Variants in THOC5 observed in about 807,000 individuals in gnomAD.
THOC5 encodes Fms-interacting protein.
Under a neutral mutation model 92.9 loss-of-function variants are expected in THOC5, and 43 were observed. The ratio of observed to expected loss-of-function variants is 0.46; its 90% CI spans 0.36 to 0.60. The LOEUF is 0.60. Ranked by LOEUF, THOC5 falls within the 20% of genes least tolerant of loss-of-function variation. The probability of loss-of-function intolerance (pLI) is 0.00; values close to 1 mark genes in which losing one functional copy is unlikely to be tolerated. For missense variants in THOC5, 659 were observed against 849.4 expected (o/e 0.78, Z 2.79); for synonymous variants, 296 against 320.1 (o/e 0.92, Z 0.80).
chr22:29,548,982 A>T (rs2146570100), intron 2 of THOC5, 70 bp downstream of exon 2: 2 of 1,514,704 alleles, frequency 1.3e-6, no homozygotes, highest in East Asian at 4.6e-5. Flanking sequence ...GAGCTGCTGC[A>T]AACACACAGC....
intron 14 of THOC5, among the ~76,000 whole-genome samples, chr22:29,519,634 CTTTTTT>C (rs34656123): frequency 7.1e-6 from 1 of 140,898 alleles, no homozygotes. Flanking sequence ...CATGACAGGC[CTTTTTT>C]TTTTTTTTTG....
chr22:29,553,514 A>AGC (rs2064224802), intron 1 of THOC5, 157 bp downstream of exon 1: 1 of 152,576 alleles, frequency 6.6e-6, no homozygotes, highest in African/African-American at 2.4e-5. Context: ...ATGAGGTAAC[A>AGC]GCGCAGCGCC....
Position 29,507,837 on chromosome 22 carries a change from A to T in THOC5, c.*620T>A, listed in dbSNP as rs1296960216. 1 of 152,800 alleles carries T rather than the reference A, an allele frequency of 6.5e-6. No individual in the cohort carries two copies. The highest frequency in any genetic ancestry group is 2.4e-5 in the African/African-American group (1 of 41,468). The allele number at this position is 152,800 out of a possible 1,614,324, so 9.5% of individuals were successfully genotyped here. ...TATTAGTTAAGTTTTTAGGGAGTCA[A>T]AAGTTATACACGGATTTTTCAACTG... On this transcript the variant is annotated 3_prime_UTR_variant, in exon 20 of 20. Coordinates refer to ENST00000490103, the MANE Select transcript of THOC5 (RefSeq NM_003678.5).
intron 15 of THOC5, 68 bp from the exon 16 acceptor site, chr22:29,517,434 C>T: frequency 7.2e-7 from 1 of 1,389,778 alleles, no homozygotes; most frequent in Non-Finnish European, 1.0e-6. Context: ...AACTAGCATC[C>T]TCCTGGGGCT....
At chr22:29,514,412 G>C (rs1432161848) in intron 17 of THOC5, among the ~76,000 whole-genome samples, 1 of 151,002 alleles carries the variant, frequency 6.6e-6, no homozygotes, top group Non-Finnish European at 1.5e-5. Flanking sequence ...CGCCTCCCGG[G>C]TTCACGCCAT....
rs781231653 is a variant in THOC5 at position 29,519,103 on chromosome 22, G to C, written c.1392C>G (p.Asp464Glu). Residue 464 changes from aspartate (D) to glutamate (E), a missense_variant, in exon 15 of 20, where the codon GAC becomes GAG. Asp to Glu is a conservative substitution (Grantham distance 45). Coordinates refer to ENST00000490103, the MANE Select transcript of THOC5 (RefSeq NM_003678.5). Reference sequence around the variant, plus strand: ...CCATGTGGCTGGCGCTCAGCGAGTGGTCAGCAATCACTGTTTGCTGTGAGT... The same window carrying C: ...CCATGTGGCTGGCGCTCAGCGAGTGCTCAGCAATCACTGTTTGCTGTGAGT... ...KEQPQQTVIA[D>E]HSLSASHMET... 5.6e-6 allele frequency: 9 copies of C among 1,610,820 alleles called. No homozygotes were observed. The East Asian group carries it at 1.6e-4, about 28-fold the overall frequency.
At position 29,551,639 on chromosome 22, in the gene THOC5, T is replaced by TA. The variant is rs566425046; in HGVS notation, c.-12+2031dup. Among the ~76,000 whole-genome samples the TA allele has an allele frequency of 2.6e-4, 39 of 152,130 alleles. 1 individual carries two copies. The South Asian group carries it at 7.7e-3, about 30-fold the overall frequency. Reference sequence around the variant, plus strand: ...GCGGTGCACACCTGTGGTCCCAAGCTACTCTGGAGGCTAGGGTGGGAGGAT... The same window carrying TA: ...GCGGTGCACACCTGTGGTCCCAAGCTAACTCTGGAGGCTAGGGTGGGAGGAT... On this transcript the variant is annotated intron_variant, in intron 1 of 19. Transcript: ENST00000490103.
chr22:29,531,107 T>A, intron 8 of THOC5: 1 of 1,187,346 alleles, frequency 8.4e-7, no homozygotes, highest in Non-Finnish European at 1.1e-6. Context: ...GGATTTCATA[T>A]GAGCTGATGA....
intron 11 of THOC5, among the ~76,000 whole-genome samples, chr22:29,526,156 T>C (rs1401831255): frequency 1.3e-5 from 2 of 152,050 alleles, no homozygotes; most frequent in East Asian, 3.9e-4. Flanking sequence ...ATCCCCAGAA[T>C]CGAAAATAAA....
chr22:29,513,334 G>A (rs1318435734), intron 17 of THOC5, among the ~76,000 whole-genome samples: 2 of 150,084 alleles, frequency 1.3e-5, no homozygotes, highest in African/African-American at 2.5e-5. Context: ...TCCAGCCTGG[G>A]TGACAGAGCA....
At chr22:29,530,049 A>T (rs1033268096) in intron 8 of THOC5, among the ~76,000 whole-genome samples, 10 of 151,774 alleles carry the variant, frequency 6.6e-5, no homozygotes, top group Non-Finnish European at 1.2e-4. Context: ...AGGCTGAGAC[A>T]GGAGAATTGC....
chr22:29,533,898 C>T (rs141973820), intron 7 of THOC5, among the ~76,000 whole-genome samples: 78 of 152,268 alleles, frequency 5.1e-4, no homozygotes, highest in African/African-American at 1.8e-3. Flanking sequence ...TTCTGTAAAT[C>T]GGTACAACCA....
chr22:29,509,805 AAC>A (rs1303875260), intron 19 of THOC5, among the ~76,000 whole-genome samples: 3 of 136,744 alleles, frequency 2.2e-5, no homozygotes, highest in Admixed American at 7.3e-5. Flanking sequence ...ACTGACAGGG[AAC>A]AGAGAACAAG....
rs768699469 is a variant in THOC5, at chr22:29,517,368, TAA to T, written c.1490-4_1490-3del. 6.2e-5 allele frequency: 100 copies of T among 1,613,360 alleles called. 1 individual carries two copies. The highest frequency in any genetic ancestry group is 8.3e-5 in the Non-Finnish European group (98 of 1,179,640). On this transcript the variant is annotated splice_polypyrimidine_tract_variant and splice_region_variant and intron_variant, in intron 15 of 19. Coordinates refer to ENST00000490103, the MANE Select transcript of THOC5 (RefSeq NM_003678.5). ...TGGTAACTGGCACAATGCCATGTTC[TAA>T]AAGAGAACAAGACAGATGACGTCAC...
At chr22:29,536,316 G>C (rs562667702) in intron 7 of THOC5, 23 of 264,936 alleles carry the variant, frequency 8.7e-5, no homozygotes, top group African/African-American at 4.6e-4. Flanking sequence ...TAGATGCCTG[G>C]AGATTGTGAG....
At chr22:29,516,016 T>G (rs1386921083) in intron 17 of THOC5, among the ~76,000 whole-genome samples, 1 of 152,090 alleles carries the variant, frequency 6.6e-6, no homozygotes, top group Non-Finnish European at 1.5e-5. Context: ...GTAGCATACC[T>G]GTAGTCGCAG....
At position 29,519,013 on chromosome 22, in the gene THOC5, T is replaced by G. The variant is rs747134215; in HGVS notation, c.1482A>C (p.Ala494=). The change falls in exon 15 of 20, where the codon GCA becomes GCC. Residue 494 remains alanine, a synonymous_variant. Transcript: ENST00000490103. The part of the protein sequence containing the change: ...QSRLALHKQF[A]SLEHGIVPVT... ...GCCCCATCATCAGCTTACCTAGGGA[T>G]GCAAACTGTTTGTGGAGGGCCAGGC... The G allele has an allele frequency of 7.5e-6, 12 of 1,601,860 alleles. No individual in the cohort carries two copies. Among genetic ancestry groups the G allele is most frequent in the African/African-American group, 2.7e-5 (2 of 74,690 alleles).
chr22:29,547,752 A>T (rs1241112132), intron 2 of THOC5, among the ~76,000 whole-genome samples: 2 of 152,122 alleles, frequency 1.3e-5, no homozygotes, highest in Non-Finnish European at 2.9e-5. Context: ...CAAGCCCTCC[A>T]AACTGTTCCA....
chr22:29,521,770 G>A (rs1228442399), intron 12 of THOC5, among the ~76,000 whole-genome samples: 1 of 152,202 alleles, frequency 6.6e-6, no homozygotes, highest in African/African-American at 2.4e-5. Context: ...AAGCAAAAAA[G>A]AGATAATGTG....
Sources: gnomAD v4.1 joint callset for allele counts (sites outside exome capture counted in the v4.1 genomes callset) on GRCh38, gnomAD v4.1.1 for gene constraint, MANE v1.5 for transcripts, NCBI Gene and HGNC (gene_info 2026-07-23, HGNC 2026-07-21) for gene names.